DLGAP2: variants seen among roughly 807,000 people sequenced by gnomAD.
DLGAP2 encodes disks large-associated protein 2.
DLGAP2 carries 26 observed loss-of-function variants against 100.3 expected under a neutral mutation model. That is an observed-to-expected ratio of 0.26 (90% CI 0.19 to 0.36). The LOEUF is 0.36. Among genes scored for constraint, DLGAP2 ranks in the 10% least tolerant of loss-of-function variants. The pLI is 1.00. For missense variants in DLGAP2, 1,858 were observed against 1,453.2 expected, an observed-to-expected ratio of 1.28 and a Z score of -4.53; for synonymous variants, 886 against 630.1, an observed-to-expected ratio of 1.41 and a Z score of -6.08.
At chr8:824,177 T>A (rs1276944624) in intron 1 of DLGAP2, among the ~76,000 whole-genome samples, 5 of 152,086 alleles carry the variant, frequency 3.3e-5, no homozygotes, top group Non-Finnish European at 7.4e-5. Context: ...TGGGCTCAGG[T>A]GATCCTCCCA....
chr8:1,133,340 C>A (rs539384024), intron 2 of DLGAP2, among the ~76,000 whole-genome samples: 5 of 152,030 alleles, frequency 3.3e-5, no homozygotes, highest in African/African-American at 9.7e-5. Context: ...ATTAGAAAAT[C>A]ATCAAAAATA....
At chr8:866,208 G>C (rs1178531551) in intron 1 of DLGAP2, among the ~76,000 whole-genome samples, 3 of 152,170 alleles carry the variant, frequency 2.0e-5, no homozygotes, top group African/African-American at 7.2e-5. Context: ...CCCGCGCCTG[G>C]CCAGGCTTCT....
At chr8:965,414 C>T (rs1390124423) in intron 2 of DLGAP2, among the ~76,000 whole-genome samples, 1 of 72,848 alleles carries the variant, frequency 1.4e-5, no homozygotes, top group Non-Finnish European at 2.6e-5. Context: ...CTCCAGAGCC[C>T]GACCCCCGCA....
intron 4 of DLGAP2, among the ~76,000 whole-genome samples, chr8:1,523,324 A>G (rs1019177064): frequency 6.6e-6 from 1 of 152,254 alleles, no homozygotes; most frequent in African/African-American, 2.4e-5. Flanking sequence ...GACAGAGAAC[A>G]GCGTCACGGG....
intron 2 of DLGAP2, chr8:1,018,843 G>T (rs570859994): frequency 6.6e-6 from 1 of 152,266 alleles, no homozygotes; most frequent in East Asian, 1.9e-4. Flanking sequence ...ACCTTAATTT[G>T]CATGAATCGA....
At chr8:1,466,476 G>C (rs1363230277) in intron 3 of DLGAP2, among the ~76,000 whole-genome samples, 1 of 151,854 alleles carries the variant, frequency 6.6e-6, no homozygotes, top group Non-Finnish European at 1.5e-5. Context: ...TTTTTTCTTG[G>C]CACAGGGTAT....
At chr8:1,556,072 C>T (rs1445810154) in intron 5 of DLGAP2, among the ~76,000 whole-genome samples, 1 of 152,228 alleles carries the variant, frequency 6.6e-6, no homozygotes, top group Non-Finnish European at 1.5e-5. Flanking sequence ...GCAGAGACCT[C>T]ATGGTGACTG....
chr8:770,625 G>A (rs977232341), intron 1 of DLGAP2, among the ~76,000 whole-genome samples: 1 of 152,112 alleles, frequency 6.6e-6, no homozygotes, highest in African/African-American at 2.4e-5. Flanking sequence ...CCTCTGTCCT[G>A]TTTGGCCGAG....
chr8:1,657,613 TCA>T (rs1798313669), intron 8 of DLGAP2, among the ~76,000 whole-genome samples: 1 of 152,240 alleles, frequency 6.6e-6, no homozygotes, highest in Non-Finnish European at 1.5e-5. Context: ...TACAATTCTA[TCA>T]CACAGGGCTG....
At chr8:884,883 T>G (rs1797891373) in intron 1 of DLGAP2, among the ~76,000 whole-genome samples, 3 of 152,218 alleles carry the variant, frequency 2.0e-5, no homozygotes, top group Non-Finnish European at 2.9e-5. Flanking sequence ...TTTTACTGAA[T>G]AGGAGATCCT....
At chr8:870,980 A>T (rs953054078) in intron 1 of DLGAP2, among the ~76,000 whole-genome samples, 1 of 152,034 alleles carries the variant, frequency 6.6e-6, no homozygotes. Flanking sequence ...CTGGCACCTG[A>T]GCTCAACATT....
chr8:1,509,963 C>T (rs190428439), intron 4 of DLGAP2, among the ~76,000 whole-genome samples: 6 of 152,290 alleles, frequency 3.9e-5, no homozygotes, highest in Non-Finnish European at 7.3e-5. Context: ...CGGTGTAATA[C>T]TCCAGACAGA....
chr8:1,468,804 C>T (rs1369901917), intron 3 of DLGAP2, among the ~76,000 whole-genome samples: 4 of 152,218 alleles, frequency 2.6e-5, no homozygotes, highest in African/African-American at 9.6e-5. Context: ...AAACCCTCCT[C>T]TTCCCTCCCA....
chr8:1,170,352 G>C (rs1027126783), intron 2 of DLGAP2, among the ~76,000 whole-genome samples: 1 of 151,910 alleles, frequency 6.6e-6, no homozygotes, highest in African/African-American at 2.4e-5. Flanking sequence ...CTCTTTTTTG[G>C]TTGTGTCTCT....
rs182651255 is a variant in DLGAP2 at position 1,028,076 on chromosome 8, C to T, written c.73+120110C>T. On this transcript the variant is annotated intron_variant, in intron 2 of 14. Transcript: ENST00000637795. ...ATTATTCTCCAGGTGGGGTGCCAAG[C>T]GCCCGTTATTCTCCAGGTGGGGTGC... is the stretch of plus-strand genomic sequence containing the variant. Among the ~76,000 whole-genome samples, 7 of 129,724 alleles carry T rather than the reference C, an allele frequency of 5.4e-5. No homozygotes were observed. The East Asian group carries it at 9.0e-4, about 17-fold the overall frequency. 85.1% of individuals were successfully genotyped at this position (129,724 alleles called of 152,430 possible). A position where few individuals can be genotyped will look rare whatever the true frequency, so the allele number is the denominator to read the frequency against.
chr8:1,610,263 C>T (rs1411819663), intron 6 of DLGAP2, among the ~76,000 whole-genome samples: 4 of 151,582 alleles, frequency 2.6e-5, no homozygotes, highest in African/African-American at 7.3e-5. Context: ...TACATGGAAA[C>T]TAAACAACCT....
intron 1 of DLGAP2, among the ~76,000 whole-genome samples, chr8:888,374 T>G (rs1797963010): frequency 6.6e-6 from 1 of 152,236 alleles, no homozygotes; most frequent in South Asian, 2.1e-4. Context: ...TTCTGAAGCT[T>G]ACTTCTGTCA....
chr8:1,117,462 A>G (rs184128207), intron 2 of DLGAP2, among the ~76,000 whole-genome samples: 42 of 152,318 alleles, frequency 2.8e-4, no homozygotes, highest in African/African-American at 9.9e-4. Context: ...CACGGTGGGA[A>G]GATGCTTAGA....
intron 3 of DLGAP2, among the ~76,000 whole-genome samples, chr8:1,454,799 G>A (rs748781051): frequency 6.6e-5 from 10 of 152,160 alleles, no homozygotes; most frequent in Non-Finnish European, 1.3e-4. Context: ...GTGGCCCAGA[G>A]ACCCCCACTG....
Sources: gnomAD v4.1 joint callset for allele counts (sites outside exome capture counted in the v4.1 genomes callset) on GRCh38, gnomAD v4.1.1 for gene constraint, MANE v1.5 for transcripts, NCBI Gene and HGNC (gene_info 2026-07-23, HGNC 2026-07-21) for gene names.